UGT1A4: variants seen among roughly 807,000 people sequenced by gnomAD.
UGT1A4 encodes the protein UDP glucuronosyltransferase family 1 member A4, also known as UDP-glucuronosyltransferase 1A4.
Under a neutral mutation model 41.1 loss-of-function variants are expected in UGT1A4, and 32 were observed. The ratio of observed to expected loss-of-function variants is 0.78; its 90% confidence interval spans 0.59 to 1.05. UGT1A4 has a LOEUF of 1.05. Ranked by LOEUF, UGT1A4 falls within the 50% of genes least tolerant of loss-of-function variation. UGT1A4 has a pLI of 0.00. For missense variants in UGT1A4, 748 were observed against 677.4 expected (o/e 1.10, Z -1.16); for synonymous variants, 283 against 265.1 (o/e 1.07, Z -0.66).
At position 233,743,716 on chromosome 2, in the gene UGT1A4, G is replaced by A. The variant is rs779950685; in HGVS notation, c.868-23318G>A. ...CGCCCTCCGCCCCCGCCTCGCCATA[G>A]CGGTCATAGATATCGCGTTTCTTGG... On this transcript the variant is annotated intron_variant, in intron 1 of 4. Coordinates refer to ENST00000373409, the MANE Select transcript of UGT1A4 (RefSeq NM_007120.3). 152 of 1,367,230 alleles carry A rather than the reference G, an allele frequency of 1.1e-4. 1 individual carries two copies. The highest frequency in any genetic ancestry group is 6.5e-5 in the Non-Finnish European group (66 of 1,021,862). The allele number at this position is 1,367,230 out of a possible 1,614,324, so 84.7% of individuals were successfully genotyped here.
At chr2:233,742,365 T>C (rs879560468) in intron 1 of UGT1A4, among the ~76,000 whole-genome samples, 1 of 151,994 alleles carries the variant, frequency 6.6e-6, no homozygotes, top group African/African-American at 2.4e-5. Flanking sequence ...AGCAGAAACA[T>C]GTCCTTAAGG....
chr2:233,719,126 A>G lies in UGT1A4; in HGVS notation c.306A>G (p.Glu102=), dbSNP rs771877893. 1 of 1,614,270 alleles carries G rather than the reference A, an allele frequency of 6.2e-7. No homozygotes were observed. The change falls in exon 1 of 5, where the codon GAA becomes GAG. Residue 102 remains glutamate (E), a synonymous_variant. Coordinates refer to ENST00000373409, the MANE Select transcript of UGT1A4 (RefSeq NM_007120.3). ...VTLGYTQGFF[E]TEHLLKRYSR... Reference sequence around the variant, plus strand: ...TGGGCTACACTCAAGGGTTCTTTGAAACAGAACATCTTCTGAAGAGATATT... The same window carrying G: ...TGGGCTACACTCAAGGGTTCTTTGAGACAGAACATCTTCTGAAGAGATATT...
chr2:233,743,601 C>T (rs201940151), intron 1 of UGT1A4: 28 of 1,367,176 alleles, frequency 2.0e-5, no homozygotes, highest in African/African-American at 4.5e-5. Context: ...GGGTCCTGGC[C>T]GCCGAAGAAC....
intron 1 of UGT1A4, among the ~76,000 whole-genome samples, chr2:233,720,993 G>A (rs776198260): frequency 1.1e-4 from 17 of 151,662 alleles, no homozygotes; most frequent in Non-Finnish European, 2.1e-4. Context: ...TTACAGGCAA[G>A]AGCCACCAAG....
intron 1 of UGT1A4, among the ~76,000 whole-genome samples, chr2:233,733,416 G>C (rs570726599): frequency 6.6e-6 from 1 of 152,104 alleles, no homozygotes; most frequent in Non-Finnish European, 1.5e-5. Context: ...TCCAGTTTTC[G>C]CCTACTCAGT....
At position 233,754,406 on chromosome 2, in the gene UGT1A4, A is replaced by G. The variant is rs1695474785; in HGVS notation, c.868-12628A>G. The G allele has an allele frequency of 8.8e-6, 3 of 341,438 alleles. No individual in the cohort carries two copies. The Admixed American group carries it at 1.2e-4, about 14-fold the overall frequency. The allele number at this position is 341,438 out of a possible 1,614,324, so 21.2% of individuals were successfully genotyped here. A position where few individuals can be genotyped will look rare whatever the true frequency, so the allele number is the denominator to read the frequency against. ...ACAGAGGTCCTATCCGTGCAGTCCC[A>G]ACAATAAAGACAGGCATTGGCATAA... On this transcript the variant is annotated intron_variant, in intron 1 of 4. Transcript: ENST00000373409.
chr2:233,724,487 G>GT (rs1420633653), intron 1 of UGT1A4, among the ~76,000 whole-genome samples: 1 of 75,448 alleles, frequency 1.3e-5, no homozygotes, highest in African/African-American at 5.0e-5. Flanking sequence ...CTCAGACGGG[G>GT]CGGCCGGGCA....
chr2:233,732,755 GTT>G (rs956485327), intron 1 of UGT1A4, among the ~76,000 whole-genome samples: 5 of 120,192 alleles, frequency 4.2e-5, no homozygotes, highest in Non-Finnish European at 9.1e-5. Context: ...CACCAGCTTT[GTT>G]TTTTTTTTTT....
In UGT1A4 at chr2:233,772,428, G is replaced by A. The variant is rs747543462; in HGVS notation, c.1474G>A (p.Val492Met). The change falls in exon 5 of 5, where the codon GTG becomes ATG. Residue 492 changes from valine (V) to methionine (M), a missense_variant. Coordinates refer to ENST00000373409, the MANE Select transcript of UGT1A4 (RefSeq NM_007120.3). ...CTGGTACCAGTACCATTCCTTGGAC[G>A]TGATTGGTTTCCTCTTGGCCGTCGT... The part of the protein sequence containing the change: ...LTWYQYHSLD[V>M]IGFLLAVVLT... 9 of 1,614,096 alleles carry A rather than the reference G, an allele frequency of 5.6e-6. No homozygotes were observed. The highest frequency in any genetic ancestry group is 3.3e-5 in the Admixed American group (2 of 60,006).
At chr2:233,760,396 G>A (rs1697431780) in intron 1 of UGT1A4, 1 of 1,614,010 alleles carries the variant, frequency 6.2e-7, no homozygotes, top group African/African-American at 1.3e-5. Flanking sequence ...CCCAGTGGAT[G>A]GCAGCCACTG....
chr2:233,747,207 T>A, intron 1 of UGT1A4: 1 of 1,605,232 alleles, frequency 6.2e-7, no homozygotes, highest in Non-Finnish European at 8.5e-7. Context: ...CCGTGTCTTC[T>A]GCTGAGATGG....
chr2:233,743,834 A>G lies in UGT1A4; in HGVS notation c.868-23200A>G, dbSNP rs1692538057. 1 of 1,366,970 alleles carries G rather than the reference A, an allele frequency of 7.3e-7. No homozygotes were observed. Among genetic ancestry groups the G allele is most frequent in the South Asian group, 1.1e-5 (1 of 88,054 alleles). The allele number at this position is 1,366,970 out of a possible 1,614,324, so 84.7% of individuals were successfully genotyped here. On this transcript the variant is annotated intron_variant, in intron 1 of 4. Coordinates refer to ENST00000373409, the MANE Select transcript of UGT1A4 (RefSeq NM_007120.3). ...AGGGTTTTTGTCGGGGTGCCACTTG[A>G]GCGCCAGCTTGCGGTACGCCTTCTT...
chr2:233,756,694 GA>G (rs888439018), intron 1 of UGT1A4, among the ~76,000 whole-genome samples: 3 of 152,120 alleles, frequency 2.0e-5, no homozygotes, highest in Non-Finnish European at 2.9e-5. Flanking sequence ...TAATGACGAT[GA>G]ATTTTGGGGG....
At chr2:233,760,403 A>T (rs2125983562) in intron 1 of UGT1A4, 1 of 1,614,240 alleles carries the variant, frequency 6.2e-7, no homozygotes, top group Non-Finnish European at 8.5e-7. Flanking sequence ...GATGGCAGCC[A>T]CTGGCTGAGC....
At chr2:233,765,252 C>T (rs1390588094) in intron 1 of UGT1A4, among the ~76,000 whole-genome samples, 1 of 152,180 alleles carries the variant, frequency 6.6e-6, no homozygotes, top group Non-Finnish European at 1.5e-5. Flanking sequence ...AATCCCATTA[C>T]TGGGTATATA....
Position 233,747,171 on chromosome 2 carries a change from A to G in UGT1A4, c.868-19863A>G, listed in dbSNP as rs1693579128. The G allele has an allele frequency of 1.1e-5, 18 of 1,596,132 alleles. No homozygotes were observed. In the South Asian group the frequency reaches 1.8e-4, roughly 16 times the overall value. ...GATGAAGAAAACAAATGTAGGAGGC[A>G]CAGCGTGGGGTGGACAGTCAGCTGT... On this transcript the variant is annotated intron_variant, in intron 1 of 4. Coordinates refer to ENST00000373409, the MANE Select transcript of UGT1A4 (RefSeq NM_007120.3).
chr2:233,730,635 A>G (rs2078055173), intron 1 of UGT1A4, among the ~76,000 whole-genome samples: 1 of 152,172 alleles, frequency 6.6e-6, no homozygotes, highest in Admixed American at 6.5e-5. Context: ...GGTCTGGTGC[A>G]TGATGTGGGG....
At chr2:233,751,611 G>C (rs1214226831) in intron 1 of UGT1A4, among the ~76,000 whole-genome samples, 1 of 152,166 alleles carries the variant, frequency 6.6e-6, no homozygotes, top group Admixed American at 6.5e-5. Flanking sequence ...CTGGTGGGAG[G>C]TGATTGGATC....
chr2:233,747,362 G>A, intron 1 of UGT1A4: 1 of 1,603,780 alleles, frequency 6.2e-7, no homozygotes, highest in Non-Finnish European at 8.5e-7. Flanking sequence ...CCGTGCGGGA[G>A]CTCCATGCCA....
Sources: allele counts gnomAD v4.1 joint callset (sites outside exome capture counted in the v4.1 genomes callset), GRCh38; gene constraint gnomAD v4.1.1; transcripts MANE v1.5; gene names NCBI Gene and HGNC (gene_info 2026-07-23, HGNC 2026-07-21).